The following AKAIN1 variants were observed in gnomAD, a reference collection of about 807,000 sequenced individuals.
AKAIN1 encodes the protein A-kinase anchor inhibitor 1, also known as A-kinase anchor protein inhibitor 1.
AKAIN1 carries 3 observed loss-of-function variants against 3.7 expected under a neutral mutation model. The ratio of observed to expected loss-of-function variants is 0.82; its 90% CI spans 0.37 to 2.12. The LOEUF is 2.12. Among genes scored for constraint, AKAIN1 ranks in the 30% most tolerant of loss-of-function variants. AKAIN1 has a pLI of 0.06. For missense variants in AKAIN1, 82 were observed against 82.7 expected (o/e 0.99, Z 0.03); for synonymous variants, 31 against 30.8 (o/e 1.01, Z -0.02).
intron 1 of AKAIN1, among the ~76,000 whole-genome samples, chr18:5,181,353 T>A (rs997980375): frequency 2.6e-5 from 4 of 152,124 alleles, no homozygotes; most frequent in African/African-American, 9.7e-5. Flanking sequence ...TTTACTTTTG[T>A]CTGCTCATTG....
rs368068449 is a variant in AKAIN1, at chr18:5,155,907, G to A, written c.17-10152C>T. ...GGGACCAGGACATCGGAGGTAAGAA[G>A]ATAGGGAAAATCCTTGACTCATGAG... On this transcript the variant is annotated intron_variant, in intron 1 of 1. Transcript: ENST00000434239. Among the ~76,000 whole-genome samples the A allele has an allele frequency of 5.7e-4, 86 of 152,038 alleles. No homozygotes were observed. In the East Asian group the frequency reaches 0.011, roughly 20 times the overall value.
chr18:5,146,962 T>C (rs989054911), intron 1 of AKAIN1, among the ~76,000 whole-genome samples: 1 of 152,248 alleles, frequency 6.6e-6, no homozygotes, highest in African/African-American at 2.4e-5. Context: ...GCTTTCTTTC[T>C]TAGTTAAAAA....
intron 1 of AKAIN1, among the ~76,000 whole-genome samples, chr18:5,165,867 C>A (rs1044614895): frequency 2.0e-5 from 3 of 151,972 alleles, no homozygotes; most frequent in Non-Finnish European, 2.9e-5. Context: ...TTTTACAGTT[C>A]CTAGTTTGGT....
At chr18:5,197,504 C>CA (rs10651301), upstream of AKAIN1, 189,298 of 832,204 alleles carry the variant, frequency 0.23, 13,519 homozygotes, top group Middle Eastern at 0.26. The surrounding 1 kb of genome is among the most constrained non-coding windows in gnomAD (Gnocchi z 6.9). Context: ...ATAGATTTGT[C>CA]AAAAAAAAAA....
chr18:5,183,104 A>G lies in AKAIN1; in HGVS notation c.16+13934T>C, dbSNP rs540576791. 2.3e-4 allele frequency among the ~76,000 whole-genome samples: 35 copies of G among 152,212 alleles called. 1 individual carries two copies. Among genetic ancestry groups the G allele is most frequent in the Admixed American group, 9.2e-4 (14 of 15,266 alleles). On this transcript the variant is annotated intron_variant, in intron 1 of 1. Transcript: ENST00000434239. ...CTGGTTCTGCAAACTAAAATAGGTC[A>G]GGCATTTAGAGCCTCACTTTTATCA...
At chr18:5,170,636 C>T (rs945188350) in intron 1 of AKAIN1, 2 of 152,044 alleles carry the variant, frequency 1.3e-5, no homozygotes, top group African/African-American at 2.4e-5. Flanking sequence ...TCAAAATGAC[C>T]AAAGCAATAT....
chr18:5,178,066 A>G (rs1276470933), intron 1 of AKAIN1, among the ~76,000 whole-genome samples: 2 of 152,050 alleles, frequency 1.3e-5, no homozygotes, highest in East Asian at 3.9e-4. Context: ...CTCAGTGCAC[A>G]TCCAGGTTGG....
At chr18:5,151,305 T>C (rs1201783855) in intron 1 of AKAIN1, among the ~76,000 whole-genome samples, 1 of 152,142 alleles carries the variant, frequency 6.6e-6, no homozygotes, top group Admixed American at 6.5e-5. Flanking sequence ...GAATGATAGT[T>C]TTGTTCTTTC....
chr18:5,183,176 T>C (rs1184682474), intron 1 of AKAIN1, among the ~76,000 whole-genome samples: 2 of 152,054 alleles, frequency 1.3e-5, no homozygotes, highest in African/African-American at 4.8e-5. Flanking sequence ...TCTATGTCTT[T>C]TTTAAAAATG....
In AKAIN1 at chr18:5,145,732, C is replaced by T. The variant is rs1189292467; in HGVS notation, c.40G>A (p.Glu14Lys). Residue 14 changes from glutamate (E) to lysine (K), a missense_variant, in exon 2 of 2, where the codon GAA (glutamate) becomes AAA (lysine). Transcript: ENST00000434239. ...CTGGCATTCTGCAGCTTCACCTCTT[C>T]AGGCTCATTTCCAGGTTTCTCACCT... ...APGEKPGNEP[E>K]EVKLQNASKQ... The T allele has an allele frequency of 6.4e-7, 1 of 1,551,234 alleles. No homozygotes were observed. Among genetic ancestry groups the T allele is most frequent in the Admixed American group, 2.0e-5 (1 of 50,990 alleles).
At chr18:5,155,839 G>A (rs1398332938) in intron 1 of AKAIN1, among the ~76,000 whole-genome samples, 3 of 152,286 alleles carry the variant, frequency 2.0e-5, no homozygotes, top group Non-Finnish European at 4.4e-5. Context: ...CCCACTGCAG[G>A]ACCTTCCGTA....
intron 1 of AKAIN1, among the ~76,000 whole-genome samples, chr18:5,192,050 A>G (rs556259992): frequency 6.6e-6 from 1 of 152,166 alleles, no homozygotes; most frequent in Non-Finnish European, 1.5e-5. Flanking sequence ...TTGTGGCGTC[A>G]TGTCAGTGCT....
chr18:5,154,037 G>C (rs1015132751), intron 1 of AKAIN1, among the ~76,000 whole-genome samples: 1 of 152,248 alleles, frequency 6.6e-6, no homozygotes, highest in East Asian at 1.9e-4. Flanking sequence ...ATCGAGACCA[G>C]CCTAAGTAAC....
chr18:5,178,657 G>A (rs937887195), intron 1 of AKAIN1, among the ~76,000 whole-genome samples: 1 of 152,150 alleles, frequency 6.6e-6, no homozygotes, highest in African/African-American at 2.4e-5. Context: ...AAAGAATCAG[G>A]CAAGCCACCT....
rs971444440 is a variant in AKAIN1 at position 5,144,701 on chromosome 18, A to C, written c.*861T>G. Among the ~76,000 whole-genome samples the C allele has an allele frequency of 9.8e-5, 15 of 152,322 alleles. No homozygotes were observed. Among genetic ancestry groups the C allele is most frequent in the Admixed American group, 8.5e-4 (13 of 15,296 alleles). ...CGTTAAGGACCCCAGAATCCCTTCC[A>C]AGGATGTTGCACCCCATAATCAGCC... On this transcript the variant is annotated 3_prime_UTR_variant, in exon 2 of 2. Transcript: ENST00000434239.
chr18:5,171,680 C>T (rs191615039), intron 1 of AKAIN1, among the ~76,000 whole-genome samples: 18 of 152,094 alleles, frequency 1.2e-4, no homozygotes, highest in African/African-American at 4.1e-4. Context: ...ATCCAAAAGA[C>T]AGGCAATAAC....
chr18:5,184,638 A>T (rs2071277175), intron 1 of AKAIN1, among the ~76,000 whole-genome samples: 1 of 152,088 alleles, frequency 6.6e-6, no homozygotes, highest in Admixed American at 6.6e-5. Context: ...CTAACCAGGG[A>T]GGTAAAAGAT....
chr18:5,155,765 A>G (rs2071104692), intron 1 of AKAIN1, among the ~76,000 whole-genome samples: 1 of 152,212 alleles, frequency 6.6e-6, no homozygotes. Flanking sequence ...AGGAAGCCAC[A>G]GTACCAAGGT....
intron 1 of AKAIN1, among the ~76,000 whole-genome samples, chr18:5,150,640 A>C (rs1240815312): frequency 7.9e-5 from 12 of 152,126 alleles, no homozygotes. Context: ...ATGATCACCC[A>C]GTGCTCCCCC....
Sources: allele counts gnomAD v4.1 joint callset (sites outside exome capture counted in the v4.1 genomes callset), GRCh38; gene constraint gnomAD v4.1.1; non-coding constraint Gnocchi (gnomAD v3.1); transcripts MANE v1.5; gene names NCBI Gene and HGNC (gene_info 2026-07-23, HGNC 2026-07-21).